STK31: variants seen among roughly 807,000 people sequenced by gnomAD.
STK31 encodes the protein serine/threonine-protein kinase 31.
STK31 carries 89 observed loss-of-function variants against 129.7 expected under a neutral mutation model. That is an observed-to-expected ratio of 0.69 (90% CI 0.58 to 0.82). The LOEUF (loss-of-function observed/expected upper bound fraction) is 0.82. Among genes scored for constraint, STK31 ranks in the 40% least tolerant of loss-of-function variants. The probability of loss-of-function intolerance (pLI) is 0.00; values close to 1 mark genes in which losing one functional copy is unlikely to be tolerated. For missense variants in STK31, 1,187 were observed against 1,176.4 expected (o/e 1.01, Z -0.13); for synonymous variants, 448 against 395.3 (o/e 1.13, Z -1.58).
rs1230043414 is a variant in STK31, at chr7:23,781,497, A to G, written c.2044A>G (p.Ile682Val). The G allele has an allele frequency of 1.2e-6, 2 of 1,610,194 alleles. No individual in the cohort carries two copies. Among genetic ancestry groups the G allele is most frequent in the Non-Finnish European group, 1.7e-6 (2 of 1,178,480 alleles). Residue 682 changes from isoleucine (I) to valine (V), a missense_variant, in exon 16 of 24, where the codon ATT becomes GTT. By Grantham distance (29) the Ile-to-Val change is conservative. Transcript: ENST00000355870. ...GCTGCGCAATAATGTCTTTCAGGAA[A>G]TTTATCATGAGAGAGAGGAATATGT... ...TQLRNNVFQE[I>V]YHEREEYEML...
chr7:23,822,542 G>A (rs771620520), intron 23 of STK31, among the ~76,000 whole-genome samples: 3 of 152,016 alleles, frequency 2.0e-5, no homozygotes, highest in Admixed American at 6.5e-5. Flanking sequence ...GAGTCTTTAG[G>A]TTTTTCTAGA....
chr7:23,821,721 T>C (rs964173609), intron 23 of STK31, among the ~76,000 whole-genome samples: 5 of 152,192 alleles, frequency 3.3e-5, no homozygotes, highest in Non-Finnish European at 7.4e-5. Context: ...CATAAAAATC[T>C]TTGCCTAGGC....
intron 1 of STK31, 123 bp from the exon 2 acceptor site, chr7:23,711,976 G>C: frequency 1.3e-6 from 1 of 771,658 alleles, no homozygotes; most frequent in Non-Finnish European, 2.0e-6. Flanking sequence ...TTTTAATATA[G>C]AGTTTGAATT....
At chr7:23,737,215 G>A in intron 8 of STK31, 137 bp downstream of exon 8, 1 of 744,482 alleles carries the variant, frequency 1.3e-6, no homozygotes, top group Non-Finnish European at 1.9e-6. Context: ...TTTGTTTATA[G>A]GTGAATTTTT....
rs1171568592 is a variant in STK31 at position 23,750,067 on chromosome 7, T to TCCCCCCCCCCCCCCC, written c.1018-2642_1018-2641insCCCCCCCCCCCCCCC. On this transcript the variant is annotated intron_variant, in intron 8 of 23. Coordinates refer to ENST00000355870, the MANE Select transcript of STK31 (RefSeq NM_031414.5). ...CTGGGATATTTCAGAATGGTTTGTTTCCCCCCCCGCCACTGCTGGAAACAT... is the reference window on the plus strand; with the variant it reads ...CTGGGATATTTCAGAATGGTTTGTTTCCCCCCCCCCCCCCCCCCCCCCCGCCACTGCTGGAAACAT... Among the ~76,000 whole-genome samples the TCCCCCCCCCCCCCCC allele has an allele frequency of 5.2e-4, 47 of 90,592 alleles. 2 individuals are homozygous for TCCCCCCCCCCCCCCC. Among genetic ancestry groups the TCCCCCCCCCCCCCCC allele is most frequent in the Non-Finnish European group, 8.4e-4 (36 of 42,704 alleles). The allele number at this position is 90,592 out of a possible 152,430, so 59.4% of individuals were successfully genotyped here.
intron 23 of STK31, among the ~76,000 whole-genome samples, chr7:23,821,275 A>C (rs868445732): frequency 2.0e-5 from 3 of 152,124 alleles, no homozygotes; most frequent in Non-Finnish European, 4.4e-5. Flanking sequence ...AATGTATAAC[A>C]GTTTCCTGTT....
intron 6 of STK31, among the ~76,000 whole-genome samples, chr7:23,733,816 A>AAAAAAT (rs1362582184): frequency 3.9e-5 from 6 of 152,180 alleles, no homozygotes; most frequent in East Asian, 3.9e-4. Flanking sequence ...TCAAAAAATA[A>AAAAAAT]AAAAATAAAA....
In STK31 at chr7:23,783,562, AC is replaced by A; in HGVS notation, c.2068-20del. On this transcript the variant is annotated intron_variant, in intron 16 of 23. Coordinates refer to ENST00000355870, the MANE Select transcript of STK31 (RefSeq NM_031414.5). Reference sequence around the variant, plus strand: ...AATATATATTGATCTACAGTTAAAAACTTTTTTTTTTTAACTTTAGGAGATG... The same window carrying A: ...AATATATATTGATCTACAGTTAAAAATTTTTTTTTTTAACTTTAGGAGATG... 2 of 1,569,662 alleles carry A rather than the reference AC, an allele frequency of 1.3e-6. No individual in the cohort carries two copies. Among genetic ancestry groups the A allele is most frequent in the Non-Finnish European group, 1.7e-6 (2 of 1,155,162 alleles).
chr7:23,787,949 C>T (rs1308329548), intron 20 of STK31, 31 bp from the exon 21 acceptor site: 2 of 1,478,198 alleles, frequency 1.4e-6, no homozygotes, highest in East Asian at 2.5e-5. Flanking sequence ...TTGCCTACTT[C>T]CTCACTTCTT....
rs779141964 is a variant in STK31, at chr7:23,769,115, A to G, written c.1537A>G (p.Arg513Gly). The G allele has an allele frequency of 6.2e-6, 10 of 1,612,988 alleles. No homozygotes were observed. Among genetic ancestry groups the G allele is most frequent in the African/African-American group, 1.3e-5 (1 of 74,902 alleles). ...TAAAAGAGAGGAGTTCACCAGTGTT[A>G]GAAGTGAAACAGACGCTTCTCTGCA... ...CDKREEFTSV[R>G]SETDASLHRL... Residue 513 changes from arginine to glycine, a missense_variant, in exon 12 of 24, where the codon AGA becomes GGA. Physicochemically the swap from Arg to Gly is moderately radical, Grantham distance 125. This residue lies in a region of STK31 where 975 missense variants were observed against 934.9 expected (regional missense o/e 1.04). Transcript: ENST00000355870.
Position 23,832,461 on chromosome 7 carries a change from G to T in STK31, c.*95G>T, listed in dbSNP as rs1794620719. 1.2e-6 allele frequency: 1 copy of T among 838,460 alleles called. No individual in the cohort carries two copies. Among genetic ancestry groups the T allele is most frequent in the Admixed American group, 2.5e-5 (1 of 40,260 alleles). 51.9% of individuals were successfully genotyped at this position (838,460 alleles called of 1,614,324 possible). Reference sequence around the variant, plus strand: ...GAAATGTTCTGGGACTAGTTGAGTTGTATCTTTAGTATTCAGGTTGTGAAA... The same window carrying T: ...GAAATGTTCTGGGACTAGTTGAGTTTTATCTTTAGTATTCAGGTTGTGAAA... On this transcript the variant is annotated 3_prime_UTR_variant, in exon 24 of 24. Transcript: ENST00000355870.
At chr7:23,751,225 A>G (rs1766717180) in intron 8 of STK31, among the ~76,000 whole-genome samples, 1 of 152,176 alleles carries the variant, frequency 6.6e-6, no homozygotes, top group Admixed American at 6.5e-5. Context: ...TTTATGGCTG[A>G]ATAGTATCCC....
intron 22 of STK31, among the ~76,000 whole-genome samples, chr7:23,810,777 ATT>A (rs1562623585): frequency 9.3e-6 from 1 of 107,958 alleles, no homozygotes; most frequent in African/African-American, 4.7e-5. Flanking sequence ...ATAAATATAT[ATT>A]ATATATAAAT....
At chr7:23,798,645 T>C (rs1408645537) in intron 22 of STK31, among the ~76,000 whole-genome samples, 4 of 152,190 alleles carry the variant, frequency 2.6e-5, no homozygotes, top group African/African-American at 9.7e-5. Flanking sequence ...GCTAATATCT[T>C]ACTGAATGGG....
At chr7:23,736,049 C>G (rs1325338822) in intron 7 of STK31, among the ~76,000 whole-genome samples, 153 bp downstream of exon 7, 2 of 152,180 alleles carry the variant, frequency 1.3e-5, no homozygotes, top group Non-Finnish European at 2.9e-5. Flanking sequence ...ATGTATTCCT[C>G]TCTGCTTTAG....
chr7:23,746,557 T>C (rs1252406292), intron 8 of STK31, among the ~76,000 whole-genome samples: 1 of 152,228 alleles, frequency 6.6e-6, no homozygotes, highest in African/African-American at 2.4e-5. Context: ...TTGAAGCCCC[T>C]GTCTGAAATA....
intron 8 of STK31, among the ~76,000 whole-genome samples, chr7:23,743,380 ACTT>A (rs1258926273): frequency 1.3e-5 from 2 of 152,116 alleles, no homozygotes; most frequent in East Asian, 1.9e-4. Context: ...AAAGACTACT[ACTT>A]CTTCATTCAT....
At chr7:23,739,023 C>G (rs923290646) in intron 8 of STK31, among the ~76,000 whole-genome samples, 4 of 152,192 alleles carry the variant, frequency 2.6e-5, no homozygotes, top group African/African-American at 7.2e-5. Flanking sequence ...AATGGTATTT[C>G]TTGTTCTAGA....
chr7:23,815,274 C>G, intron 23 of STK31, 62 bp downstream of exon 23: 1 of 1,163,708 alleles, frequency 8.6e-7, no homozygotes, highest in Non-Finnish European at 1.2e-6. Context: ...ACTTAGATAT[C>G]TGACTGAAAG....
Sources: gnomAD v4.1 joint callset for allele counts (sites outside exome capture counted in the v4.1 genomes callset) on GRCh38, gnomAD v4.1.1 for gene constraint, gnomAD v4.1.1 regional missense constraint, MANE v1.5 for transcripts, NCBI Gene and HGNC (gene_info 2026-07-23, HGNC 2026-07-21) for gene names.